USH2A: variants seen among roughly 807,000 people sequenced by gnomAD.
USH2A encodes the protein usherin.
A neutral mutation model predicts 538.9 loss-of-function variants in USH2A; 443 were observed. That is an observed-to-expected ratio of 0.82 (90% CI 0.76 to 0.89). The LOEUF (loss-of-function observed/expected upper bound fraction) is 0.89. USH2A is among the 40% of genes least tolerant of loss of function. The pLI is 0.00. For missense variants in USH2A, 6,633 were observed against 6,324.8 expected, an observed-to-expected ratio of 1.05 and a Z score of -1.65; for synonymous variants, 2,413 against 2,273.5, an observed-to-expected ratio of 1.06 and a Z score of -1.75.
At chr1:216,328,167 A>G (rs1406145849) in intron 4 of USH2A, among the ~76,000 whole-genome samples, 4 of 152,160 alleles carry the variant, frequency 2.6e-5, no homozygotes, top group African/African-American at 9.7e-5. Context: ...ATGAGGACTC[A>G]TCGAAGACTT....
At chr1:216,230,446 A>C (rs2102518025) in intron 14 of USH2A, among the ~76,000 whole-genome samples, 1 of 152,334 alleles carries the variant, frequency 6.6e-6, no homozygotes, top group South Asian at 2.1e-4. Flanking sequence ...CGGTGATAGA[A>C]GTAGAGCGTC....
chr1:216,097,286 T>A (rs1054671394), intron 21 of USH2A, 73 bp from the exon 22 acceptor site: 2 of 1,611,052 alleles, frequency 1.2e-6, no homozygotes, highest in Non-Finnish European at 1.7e-6. Context: ...GTACATTTAC[T>A]TTCATTATTA....
chr1:215,780,408 C>A (rs1272211806), intron 54 of USH2A, among the ~76,000 whole-genome samples: 1 of 152,116 alleles, frequency 6.6e-6, no homozygotes, highest in Non-Finnish European at 1.5e-5. Context: ...ATTTTAACAG[C>A]CTGATTTCAT....
chr1:216,378,048 G>A (rs932810010), intron 3 of USH2A, among the ~76,000 whole-genome samples: 53 of 152,162 alleles, frequency 3.5e-4, no homozygotes, highest in African/African-American at 1.2e-3. Context: ...CCTCAAAGGT[G>A]GACATGCCTC....
chr1:216,247,108 G>T lies in USH2A; in HGVS notation c.2286C>A (p.His762Gln). Residue 762 changes from histidine (H) to glutamine (Q), a missense_variant, in exon 13 of 72, where the codon CAC (histidine) becomes CAA (glutamine). Physicochemically the swap from His to Gln is conservative, Grantham distance 24 (BLOSUM62 0). Coordinates refer to ENST00000307340, the MANE Select transcript of USH2A (RefSeq NM_206933.4). Reference sequence around the variant, plus strand: ...CTTTTTTGCACTCACACTGCCCAGAGTGAGGATTGCAGAATTTGTTCACTG... The same window carrying T: ...CTTTTTTGCACTCACACTGCCCAGATTGAGGATTGCAGAATTTGTTCACTG... ...HGSVNKFCNP[H>Q]SGQCECKKEA... 1 of 1,614,076 alleles carries T rather than the reference G, an allele frequency of 6.2e-7. No homozygotes were observed. Among genetic ancestry groups the T allele is most frequent in the Non-Finnish European group, 8.5e-7 (1 of 1,179,960 alleles).
At chr1:215,653,204 T>A (rs1657135496) in intron 64 of USH2A, among the ~76,000 whole-genome samples, 1 of 152,216 alleles carries the variant, frequency 6.6e-6, no homozygotes, top group Non-Finnish European at 1.5e-5. Flanking sequence ...TTCTACTAGG[T>A]GGAGTTCTAG....
intron 61 of USH2A, among the ~76,000 whole-genome samples, chr1:215,695,108 T>G (rs145107287): frequency 5.9e-5 from 9 of 152,324 alleles, no homozygotes; most frequent in African/African-American, 2.2e-4. Flanking sequence ...TGCCCCTAAA[T>G]AGAGAGGTTA....
Position 216,289,893 on chromosome 1 carries a change from A to G in USH2A, c.1841-483T>C, listed in dbSNP as rs113689366. ...TATAATTTATTATTCTGTAGTTAACACAATTAAAAACAAATGATTATGTTA... is the reference window on the plus strand; with the variant it reads ...TATAATTTATTATTCTGTAGTTAACGCAATTAAAAACAAATGATTATGTTA... On this transcript the variant is annotated intron_variant, in intron 10 of 71. Transcript: ENST00000307340. 4.0e-3 allele frequency among the ~76,000 whole-genome samples: 616 copies of G among 152,246 alleles called. 2 individuals carry two copies. Among genetic ancestry groups the G allele is most frequent in the African/African-American group, 0.014 (587 of 41,554 alleles).
intron 9 of USH2A, among the ~76,000 whole-genome samples, chr1:216,318,943 T>G (rs537841671): frequency 6.6e-6 from 1 of 152,150 alleles, no homozygotes; most frequent in South Asian, 2.1e-4. Flanking sequence ...AACACTTAAC[T>G]GTGAGCAATT....
At chr1:215,730,017 C>G (rs770198943) in intron 60 of USH2A, among the ~76,000 whole-genome samples, 1 of 152,152 alleles carries the variant, frequency 6.6e-6, no homozygotes, top group Non-Finnish European at 1.5e-5. Flanking sequence ...AAAATTCTTT[C>G]AACTGTCTGA....
intron 32 of USH2A, among the ~76,000 whole-genome samples, chr1:216,045,797 G>T (rs2030489232): frequency 6.6e-6 from 1 of 152,076 alleles, no homozygotes; most frequent in Admixed American, 6.6e-5. Context: ...GGTAAGGGGT[G>T]GTGGGCTCTA....
chr1:216,085,859 T>G (rs897988480), intron 24 of USH2A, among the ~76,000 whole-genome samples: 100 of 152,068 alleles, frequency 6.6e-4, no homozygotes, highest in Non-Finnish European at 1.5e-4. Flanking sequence ...TTCAACTATA[T>G]CCTTCTCCTA....
intron 57 of USH2A, 124 bp from the exon 58 acceptor site, chr1:215,758,876 C>G (rs1327113598): frequency 1.4e-5 from 15 of 1,043,926 alleles, no homozygotes; most frequent in Non-Finnish European, 2.0e-5. Flanking sequence ...TCTTTGCCCC[C>G]TTTCCAGAAA....
chr1:215,917,652 A>G (rs1465841123), intron 38 of USH2A, among the ~76,000 whole-genome samples: 1 of 151,630 alleles, frequency 6.6e-6, no homozygotes, highest in African/African-American at 2.4e-5. Flanking sequence ...AGCAAAATAA[A>G]TTACTGAGGG....
chr1:216,263,157 T>C (rs1282696301), intron 11 of USH2A, among the ~76,000 whole-genome samples: 1 of 152,022 alleles, frequency 6.6e-6, no homozygotes, highest in Non-Finnish European at 1.5e-5. Flanking sequence ...CAAAGAAAAG[T>C]CCAGGATCAA....
rs183837898 is a variant in USH2A, at chr1:216,375,135, G to T, written c.652-10050C>A. On this transcript the variant is annotated intron_variant, in intron 3 of 71. Transcript: ENST00000307340. ...AAACCATTGACCCTTTAACAATATGGGGGTTAGGGCACCTACCACCTGTGC... is the reference window on the plus strand; with the variant it reads ...AAACCATTGACCCTTTAACAATATGTGGGTTAGGGCACCTACCACCTGTGC... 1.6e-3 allele frequency among the ~76,000 whole-genome samples: 246 copies of T among 151,924 alleles called. 1 individual carries two copies. The highest frequency in any genetic ancestry group is 2.7e-3 in the Non-Finnish European group (181 of 67,960).
At chr1:216,005,782 TA>T (rs754984101) in intron 32 of USH2A, among the ~76,000 whole-genome samples, 3 of 151,332 alleles carry the variant, frequency 2.0e-5, no homozygotes, top group African/African-American at 7.3e-5. Flanking sequence ...AAAGAAACAA[TA>T]AAAAAAATAA....
intron 61 of USH2A, among the ~76,000 whole-genome samples, chr1:215,702,306 C>T (rs1429793454): frequency 3.9e-5 from 6 of 152,072 alleles, no homozygotes; most frequent in African/African-American, 1.4e-4. Flanking sequence ...CTTGGGGTTG[C>T]TCTTCTTGAG....
intron 13 of USH2A, among the ~76,000 whole-genome samples, chr1:216,235,168 T>A (rs1183144923): frequency 1.3e-5 from 2 of 152,180 alleles, no homozygotes; most frequent in African/African-American, 2.4e-5. Context: ...TCTTTTCCCT[T>A]CCCTTCCACT....
Sources: gnomAD v4.1 joint callset for allele counts (sites outside exome capture counted in the v4.1 genomes callset) on GRCh38, gnomAD v4.1.1 for gene constraint, MANE v1.5 for transcripts, NCBI Gene and HGNC (gene_info 2026-07-23, HGNC 2026-07-21) for gene names.